The following SLIT2 variants were observed in gnomAD, a reference collection of about 807,000 sequenced individuals.
The protein encoded by SLIT2 is slit homolog 2 protein.
Under a neutral mutation model 185.7 loss-of-function variants are expected in SLIT2, and 41 were observed. The observed-to-expected ratio is 0.22, with a 90% CI of 0.17 to 0.29. The LOEUF is 0.29. Ranked by LOEUF, SLIT2 falls within the 10% of genes least tolerant of loss-of-function variation. SLIT2 has a pLI of 1.00. For missense variants in SLIT2, 1,571 were observed against 1,909.0 expected (o/e 0.82, Z 3.30); for synonymous variants, 693 against 680.2 (o/e 1.02, Z -0.29).
chr4:20,472,517 T>TATATCTATATAGATATAG (rs1715511409), intron 5 of SLIT2, among the ~76,000 whole-genome samples: 1 of 20,414 alleles, frequency 4.9e-5, no homozygotes, highest in Non-Finnish European at 7.3e-5. Flanking sequence ...TATAGATAGA[T>TATATCTATATAGATATAG]ATATATCTAT....
intron 4 of SLIT2, among the ~76,000 whole-genome samples, chr4:20,382,223 G>A (rs938414956): frequency 2.0e-5 from 3 of 152,176 alleles, no homozygotes; most frequent in African/African-American, 2.4e-5. Context: ...AACTGACAAA[G>A]GGCATTATTG....
intron 9 of SLIT2, among the ~76,000 whole-genome samples, chr4:20,500,262 A>T (rs1037315531): frequency 1.3e-5 from 2 of 152,194 alleles, no homozygotes; most frequent in Admixed American, 1.3e-4. Context: ...CAACTTAAGG[A>T]TAATAAAATG....
chr4:20,483,359 G>A (rs1007844021), intron 6 of SLIT2, among the ~76,000 whole-genome samples: 8 of 151,994 alleles, frequency 5.3e-5, no homozygotes, highest in Non-Finnish European at 7.4e-5. Context: ...ACACTTGCAC[G>A]TTCACGGAGA....
At chr4:20,564,051 T>C (rs1207354452) in intron 26 of SLIT2, among the ~76,000 whole-genome samples, 2 of 151,820 alleles carry the variant, frequency 1.3e-5, no homozygotes, top group African/African-American at 4.8e-5. Flanking sequence ...AGTGTTGGCT[T>C]GCTCGTGGAG....
At chr4:20,374,721 T>C (rs149567890) in intron 4 of SLIT2, among the ~76,000 whole-genome samples, 50 of 152,194 alleles carry the variant, frequency 3.3e-4, no homozygotes, top group African/African-American at 1.2e-3. Context: ...TCACTTATTT[T>C]CCTGTTTCTT....
At chr4:20,325,105 C>T (rs1280458159) in intron 4 of SLIT2, among the ~76,000 whole-genome samples, 1 of 151,702 alleles carries the variant, frequency 6.6e-6, no homozygotes, top group South Asian at 2.1e-4. Flanking sequence ...CTCTTTTTCC[C>T]TCCTACTTTC....
chr4:20,535,990 C>A (rs915048985), intron 18 of SLIT2, among the ~76,000 whole-genome samples: 2 of 152,174 alleles, frequency 1.3e-5, no homozygotes, highest in Non-Finnish European at 2.9e-5. Flanking sequence ...GCCTATTGCT[C>A]CTGGGCTACA....
intron 4 of SLIT2, among the ~76,000 whole-genome samples, chr4:20,449,903 G>C (rs1006175629): frequency 2.6e-5 from 4 of 151,822 alleles, no homozygotes; most frequent in Non-Finnish European, 4.4e-5. Context: ...CAGTTGCAAG[G>C]AAAATTAAAA....
At chr4:20,278,451 T>G (rs1289909204) in intron 4 of SLIT2, among the ~76,000 whole-genome samples, 1 of 152,150 alleles carries the variant, frequency 6.6e-6, no homozygotes, top group East Asian at 1.9e-4. Flanking sequence ...TCTATCAAGT[T>G]TCAACCTTTC....
At chr4:20,492,298 G>A (rs1274296370) in intron 9 of SLIT2, among the ~76,000 whole-genome samples, 1 of 152,170 alleles carries the variant, frequency 6.6e-6, no homozygotes, top group Non-Finnish European at 1.5e-5. Context: ...CTCCTCGAGA[G>A]CTCATGTTTT....
chr4:20,542,328 A>G (rs1213262068), intron 20 of SLIT2, among the ~76,000 whole-genome samples, 166 bp from the exon 21 acceptor site: 1 of 152,224 alleles, frequency 6.6e-6, no homozygotes, highest in African/African-American at 2.4e-5. Flanking sequence ...AAACAGTGCT[A>G]TATAGAACTT....
chr4:20,535,413 A>G (rs545993346), intron 18 of SLIT2, among the ~76,000 whole-genome samples: 2 of 152,066 alleles, frequency 1.3e-5, no homozygotes, highest in South Asian at 2.1e-4. Flanking sequence ...AAATACAAAT[A>G]TTATAACAAG....
intron 4 of SLIT2, among the ~76,000 whole-genome samples, chr4:20,331,540 CAG>C (rs1720068610): frequency 6.6e-6 from 1 of 152,042 alleles, no homozygotes; most frequent in African/African-American, 2.4e-5. Context: ...ACTGTGATGT[CAG>C]TCACTGTACT....
intron 4 of SLIT2, among the ~76,000 whole-genome samples, chr4:20,349,446 A>G (rs952050851): frequency 2.6e-5 from 4 of 152,110 alleles, no homozygotes; most frequent in African/African-American, 7.2e-5. Context: ...ATGGATTTTC[A>G]TGCAGTAGTT....
At chr4:20,405,115 A>G (rs776671184) in intron 4 of SLIT2, among the ~76,000 whole-genome samples, 3 of 151,934 alleles carry the variant, frequency 2.0e-5, no homozygotes, top group Admixed American at 6.6e-5. Context: ...TCTTTGTCCA[A>G]AAAGTTTATA....
At chr4:20,363,441 T>G (rs1722889755) in intron 4 of SLIT2, among the ~76,000 whole-genome samples, 1 of 152,146 alleles carries the variant, frequency 6.6e-6, no homozygotes, top group African/African-American at 2.4e-5. Flanking sequence ...TTAATATTGT[T>G]TCTGTCTTTA....
chr4:20,472,359 T>TATATATCTATATATATAGAG (rs1715309683), intron 5 of SLIT2, among the ~76,000 whole-genome samples: 2 of 21,482 alleles, frequency 9.3e-5, no homozygotes, highest in African/African-American at 4.7e-4. Flanking sequence ...TATAGATATC[T>TATATATCTATATATATAGAG]ATATAGATAT....
chr4:20,490,491 T>C (rs7672631), intron 8 of SLIT2, among the ~76,000 whole-genome samples: 36,402 of 151,958 alleles, frequency 0.24, 5,140 homozygotes, highest in African/African-American at 0.4. Context: ...CTGCTTCAGC[T>C]TCAGAAGTAT....
intron 26 of SLIT2, among the ~76,000 whole-genome samples, chr4:20,563,776 A>T (rs576780735): frequency 6.6e-6 from 1 of 151,800 alleles, no homozygotes; most frequent in South Asian, 2.1e-4. Context: ...TGTTCCTCCT[A>T]CCTATTCCAA....
Sources: gnomAD v4.1 joint callset for allele counts (sites outside exome capture counted in the v4.1 genomes callset) on GRCh38, gnomAD v4.1.1 for gene constraint, MANE v1.5 for transcripts, NCBI Gene and HGNC (gene_info 2026-07-23, HGNC 2026-07-21) for gene names.